The following CHN2 variants were observed in gnomAD, a reference collection of about 807,000 sequenced individuals.
CHN2 encodes chimerin 2, also known as beta-chimaerin.
In CHN2, 35 loss-of-function variants were observed where a neutral mutation model predicts 56.3. The ratio of observed to expected loss-of-function variants is 0.62; its 90% confidence interval spans 0.47 to 0.82. The LOEUF is 0.82. Among genes scored for constraint, CHN2 ranks in the 40% least tolerant of loss-of-function variants. The pLI is 0.00. For missense variants in CHN2, 491 were observed against 580.5 expected (o/e 0.85, Z 1.58); for synonymous variants, 210 against 212.8 (o/e 0.99, Z 0.12).
intron 3 of CHN2, among the ~76,000 whole-genome samples, chr7:29,372,788 G>T (rs151150325): frequency 1.3e-3 from 200 of 152,116 alleles, no homozygotes; most frequent in African/African-American, 4.3e-3. Flanking sequence ...GTTTCTTCTT[G>T]GCCTCTCCAA....
intron 1 of CHN2, among the ~76,000 whole-genome samples, chr7:29,273,583 T>C (rs1475961933): frequency 6.6e-6 from 1 of 151,678 alleles, no homozygotes; most frequent in Non-Finnish European, 1.5e-5. Flanking sequence ...CTTTAATTTC[T>C]GTAGGACTCT....
chr7:29,365,596 G>C (rs1042360270), intron 2 of CHN2, among the ~76,000 whole-genome samples: 1 of 152,218 alleles, frequency 6.6e-6, no homozygotes, highest in African/African-American at 2.4e-5. Flanking sequence ...AGAGAAGGAG[G>C]AGAGGAAGAT....
intron 6 of CHN2, among the ~76,000 whole-genome samples, chr7:29,455,687 G>A (rs1055511741): frequency 6.6e-6 from 1 of 152,202 alleles, no homozygotes; most frequent in African/African-American, 2.4e-5. Context: ...ACCAGAGGTT[G>A]GGGAGGGGTG....
chr7:29,295,167 A>G (rs1793022487), intron 1 of CHN2, among the ~76,000 whole-genome samples: 1 of 152,114 alleles, frequency 6.6e-6, no homozygotes, highest in Non-Finnish European at 1.5e-5. Flanking sequence ...TTGTTTAGGG[A>G]ATAATGACAA....
intron 6 of CHN2, among the ~76,000 whole-genome samples, chr7:29,434,029 A>T (rs1385321360): frequency 6.6e-6 from 1 of 151,936 alleles, no homozygotes; most frequent in Non-Finnish European, 1.5e-5. Flanking sequence ...ACCTCTGAGG[A>T]TCTTCCCTCT....
upstream of CHN2, chr7:29,192,504 G>A (rs940994066): frequency 6.6e-6 from 1 of 152,200 alleles, no homozygotes; most frequent in Non-Finnish European, 1.5e-5. Context: ...ATAGATTGAA[G>A]ATAAGACATT....
chr7:29,400,494 CTG>C (rs764314919), intron 5 of CHN2, 47 bp from the exon 6 acceptor site: 1 of 1,571,168 alleles, frequency 6.4e-7, no homozygotes, highest in Non-Finnish European at 8.7e-7. Context: ...TCATTCCACA[CTG>C]TGCTTATTTC....
At chr7:29,486,002 C>G (rs890618839) in intron 7 of CHN2, among the ~76,000 whole-genome samples, 1 of 152,096 alleles carries the variant, frequency 6.6e-6, no homozygotes, top group Non-Finnish European at 1.5e-5. Flanking sequence ...TGTGTGTTCC[C>G]CACTCCCTTT....
intron 3 of CHN2, among the ~76,000 whole-genome samples, chr7:29,368,988 C>T (rs1799395563): frequency 1.3e-5 from 2 of 152,098 alleles, no homozygotes; most frequent in Admixed American, 1.3e-4. Flanking sequence ...ATTTGGTACT[C>T]TGATCTTGTC....
chr7:29,422,443 A>T (rs957674797), intron 6 of CHN2, among the ~76,000 whole-genome samples: 2 of 152,228 alleles, frequency 1.3e-5, no homozygotes, highest in Non-Finnish European at 2.9e-5. Context: ...TTCCTGCATG[A>T]TCAAGGTCAA....
At chr7:29,355,349 A>G (rs1432780660) in intron 2 of CHN2, among the ~76,000 whole-genome samples, 1 of 152,136 alleles carries the variant, frequency 6.6e-6, no homozygotes, top group Non-Finnish European at 1.5e-5. Context: ...TTGGCCAATC[A>G]TTCTAAGGAT....
intron 1 of CHN2, among the ~76,000 whole-genome samples, chr7:29,284,248 A>G (rs564494530): frequency 6.6e-6 from 1 of 151,994 alleles, no homozygotes; most frequent in East Asian, 1.9e-4. Context: ...GGTGTGCACC[A>G]CCATGCTTGG....
At chr7:29,295,321 A>C (rs1793045799) in intron 1 of CHN2, among the ~76,000 whole-genome samples, 1 of 148,118 alleles carries the variant, frequency 6.8e-6, no homozygotes, top group African/African-American at 2.6e-5. Context: ...GTGAACACAC[A>C]CACACACACA....
intron 1 of CHN2, among the ~76,000 whole-genome samples, chr7:29,209,529 A>G (rs1423246999): frequency 1.3e-5 from 2 of 152,238 alleles, no homozygotes; most frequent in African/African-American, 4.8e-5. Flanking sequence ...TGAAAAAAAT[A>G]TAAATCCATT....
At position 29,507,319 on chromosome 7, in the gene CHN2, C is replaced by T; in HGVS notation, c.1083C>T (p.Ile361=). The T allele has an allele frequency of 6.2e-7, 1 of 1,612,794 alleles. No homozygotes were observed. The highest frequency in any genetic ancestry group is 8.5e-7 in the Non-Finnish European group (1 of 1,178,890). Residue 361 remains isoleucine, a synonymous_variant, in exon 11 of 13, where the codon ATC becomes ATT. Coordinates refer to ENST00000222792, the MANE Select transcript of CHN2 (RefSeq NM_004067.4). ...ALKLYFRDLP[I]PVITYDTYSK... is the part of the protein sequence containing the mutation. Reference sequence around the variant, plus strand: ...AACTGTATTTCAGAGACTTACCCATCCCTGTCATCACATATGATACCTATT... The same window carrying T: ...AACTGTATTTCAGAGACTTACCCATTCCTGTCATCACATATGATACCTATT...
chr7:29,220,513 C>A (rs1410989500), intron 1 of CHN2, among the ~76,000 whole-genome samples: 1 of 151,922 alleles, frequency 6.6e-6, no homozygotes, highest in Admixed American at 6.6e-5. Flanking sequence ...AGATAAGATA[C>A]TATGATCAAT....
chr7:29,267,988 G>A (rs1790280866), intron 1 of CHN2, among the ~76,000 whole-genome samples: 1 of 152,120 alleles, frequency 6.6e-6, no homozygotes, highest in Admixed American at 6.5e-5. Context: ...GTTATGGAAG[G>A]TTCTTTTCCA....
At chr7:29,276,537 T>C (rs1283239878) in intron 1 of CHN2, among the ~76,000 whole-genome samples, 3 of 152,206 alleles carry the variant, frequency 2.0e-5, no homozygotes, top group East Asian at 1.9e-4. Context: ...GGAATCTCAG[T>C]TCCGCCACTT....
In CHN2 at chr7:29,392,886, C is replaced by T. The variant is rs551137896; in HGVS notation, c.145-793C>T. Among the ~76,000 whole-genome samples the T allele has an allele frequency of 6.6e-5, 10 of 152,334 alleles. No individual in the cohort carries two copies. In the East Asian group the frequency reaches 1.7e-3, roughly 26 times the overall value. Reference sequence around the variant, plus strand: ...TAGAACCATTCATAAAAACCCATAACTTAATGTGGCTCTACAATGTTTTGA... The same window carrying T: ...TAGAACCATTCATAAAAACCCATAATTTAATGTGGCTCTACAATGTTTTGA... On this transcript the variant is annotated intron_variant, in intron 3 of 12. Coordinates refer to ENST00000222792, the MANE Select transcript of CHN2 (RefSeq NM_004067.4).
Sources: allele counts gnomAD v4.1 joint callset (sites outside exome capture counted in the v4.1 genomes callset), GRCh38; gene constraint gnomAD v4.1.1; transcripts MANE v1.5; gene names NCBI Gene and HGNC (gene_info 2026-07-23, HGNC 2026-07-21).